The following BMPR1B variants were observed in gnomAD, a reference collection of about 807,000 sequenced individuals.
BMPR1B encodes the protein bone morphogenetic protein receptor type 1B, also known as bone morphogenetic protein receptor type-1B.
A neutral mutation model predicts 59.1 loss-of-function variants in BMPR1B; 12 were observed. The ratio of observed to expected loss-of-function variants is 0.20; its 90% CI spans 0.13 to 0.33. BMPR1B has a LOEUF of 0.33. Among genes scored for constraint, BMPR1B ranks in the 10% least tolerant of loss-of-function variants. BMPR1B has a pLI of 1.00. For synonymous variants in BMPR1B, 237 were observed against 207.3 expected (o/e 1.14, Z -1.23); for missense variants, 550 against 610.9 (o/e 0.90, Z 1.05).
chr4:95,131,093 T>C, intron 9 of BMPR1B, 122 bp from the exon 10 acceptor site: 1 of 1,018,678 alleles, frequency 9.8e-7, no homozygotes, highest in Non-Finnish European at 1.5e-6. Flanking sequence ...ATAGGCATAG[T>C]CAGGAAATTG....
chr4:94,984,393 T>C (rs924635273), intron 2 of BMPR1B, among the ~76,000 whole-genome samples: 1 of 152,224 alleles, frequency 6.6e-6, no homozygotes, highest in African/African-American at 2.4e-5. Flanking sequence ...TTCATTATTC[T>C]ACCCAAAAGA....
chr4:95,125,832 T>A (rs966469147), intron 8 of BMPR1B, among the ~76,000 whole-genome samples: 2 of 152,162 alleles, frequency 1.3e-5, no homozygotes, highest in African/African-American at 4.8e-5. Context: ...TAAAATATCC[T>A]AATACCCAAT....
chr4:94,813,678 G>A (rs894343094), intron 1 of BMPR1B, among the ~76,000 whole-genome samples: 1 of 152,166 alleles, frequency 6.6e-6, no homozygotes, highest in Admixed American at 6.5e-5. Context: ...CCGCTATGTT[G>A]AGAGTAGTCT....
chr4:95,099,261 C>T (rs2149259621), intron 3 of BMPR1B, among the ~76,000 whole-genome samples: 1 of 152,236 alleles, frequency 6.6e-6, no homozygotes, highest in East Asian at 1.9e-4. Context: ...TGTCCCATTC[C>T]TTCATTGTTC....
intron 3 of BMPR1B, among the ~76,000 whole-genome samples, chr4:95,052,094 A>C (rs762631078): frequency 1.7e-4 from 26 of 152,230 alleles, no homozygotes; most frequent in Admixed American, 3.9e-4. Context: ...ATTTAAGAAA[A>C]CAGCTATTCT....
chr4:94,997,428 G>A (rs1722134411), intron 3 of BMPR1B, among the ~76,000 whole-genome samples: 1 of 152,142 alleles, frequency 6.6e-6, no homozygotes, highest in Admixed American at 6.5e-5. Flanking sequence ...ATGTTTAAAT[G>A]TAAAGTAAGA....
intron 1 of BMPR1B, among the ~76,000 whole-genome samples, chr4:94,858,202 G>A (rs903904493): frequency 2.2e-4 from 34 of 151,858 alleles, no homozygotes; most frequent in African/African-American, 7.5e-4. Context: ...TGCCCTCTTC[G>A]GCCTCCCAAA....
rs964053181 is a variant in BMPR1B at position 94,794,681 on chromosome 4, G to C, written c.-183+36613G>C. 7.5e-3 allele frequency among the ~76,000 whole-genome samples: 1,136 copies of C among 151,818 alleles called. 15 individuals carry two copies. The highest frequency in any genetic ancestry group is 0.026 in the African/African-American group (1,071 of 41,292). ...GAATGTTCTTCCATTTCTTTGTATCGTCTTTTATTTCCTTGAGCAGTGGTT... is the reference window on the plus strand; with the variant it reads ...GAATGTTCTTCCATTTCTTTGTATCCTCTTTTATTTCCTTGAGCAGTGGTT... On this transcript the variant is annotated intron_variant, in intron 1 of 12. Transcript: ENST00000515059.
chr4:95,052,205 G>A (rs928162704), intron 3 of BMPR1B, among the ~76,000 whole-genome samples: 1 of 152,146 alleles, frequency 6.6e-6, no homozygotes, highest in African/African-American at 2.4e-5. Context: ...TGGATGCATT[G>A]AGTAAATCTG....
chr4:95,016,774 A>G (rs1365486189), intron 3 of BMPR1B, among the ~76,000 whole-genome samples: 3 of 152,184 alleles, frequency 2.0e-5, no homozygotes, highest in African/African-American at 7.2e-5. Context: ...TTTAGCTAAC[A>G]TGCAATTAAA....
At chr4:95,106,984 T>C (rs1455622329) in intron 4 of BMPR1B, among the ~76,000 whole-genome samples, 3 of 151,504 alleles carry the variant, frequency 2.0e-5, no homozygotes, top group Non-Finnish European at 2.9e-5. Context: ...CTCACAGGAG[T>C]GTAAAGGAGT....
intron 3 of BMPR1B, among the ~76,000 whole-genome samples, chr4:95,100,771 C>T (rs1045961034): frequency 1.3e-5 from 2 of 152,048 alleles, no homozygotes; most frequent in Non-Finnish European, 2.9e-5. Flanking sequence ...TTCAGCTCAC[C>T]TGCTGGGATT....
At chr4:95,051,783 C>T in intron 3 of BMPR1B, 1 of 1,534,924 alleles carries the variant, frequency 6.5e-7, no homozygotes, top group Non-Finnish European at 8.7e-7. Context: ...GTAAGAAGAT[C>T]AGTGCCCTCC....
intron 2 of BMPR1B, among the ~76,000 whole-genome samples, chr4:94,966,793 C>A (rs11943519): frequency 6.6e-6 from 1 of 151,894 alleles, no homozygotes; most frequent in African/African-American, 2.4e-5. Context: ...GAGTTAAAAA[C>A]CTAAGTTTGA....
intron 3 of BMPR1B, among the ~76,000 whole-genome samples, chr4:95,057,399 C>A (rs1727010261): frequency 6.6e-6 from 1 of 152,106 alleles, no homozygotes; most frequent in Non-Finnish European, 1.5e-5. Flanking sequence ...CACACGCCAC[C>A]ACGCCCAGCT....
At chr4:94,801,503 C>T (rs1012668191) in intron 1 of BMPR1B, among the ~76,000 whole-genome samples, 1 of 152,146 alleles carries the variant, frequency 6.6e-6, no homozygotes, top group Non-Finnish European at 1.5e-5. Context: ...TGGAAGATTC[C>T]ATCACTTATC....
intron 3 of BMPR1B, among the ~76,000 whole-genome samples, chr4:95,008,830 C>A (rs756444929): frequency 6.6e-6 from 1 of 151,872 alleles, no homozygotes; most frequent in Non-Finnish European, 1.5e-5. Flanking sequence ...AAGAGAAAAT[C>A]CAAATAGTCA....
At chr4:94,919,383 A>G (rs1393504523) in intron 2 of BMPR1B, among the ~76,000 whole-genome samples, 1 of 152,182 alleles carries the variant, frequency 6.6e-6, no homozygotes, top group Non-Finnish European at 1.5e-5. Flanking sequence ...TTATAATCCA[A>G]CATGGATGCT....
chr4:94,766,564 T>C (rs1274050487), intron 1 of BMPR1B, among the ~76,000 whole-genome samples: 1 of 152,076 alleles, frequency 6.6e-6, no homozygotes, highest in Non-Finnish European at 1.5e-5. Context: ...TAATGTTTTC[T>C]AAAAAGTTAC....
Sources: gnomAD v4.1 joint callset for allele counts (sites outside exome capture counted in the v4.1 genomes callset) on GRCh38, gnomAD v4.1.1 for gene constraint, MANE v1.5 for transcripts, NCBI Gene and HGNC (gene_info 2026-07-23, HGNC 2026-07-21) for gene names.